CACNA1C: variants seen among roughly 807,000 people sequenced by gnomAD.
CACNA1C encodes voltage-dependent L-type calcium channel subunit alpha-1C.
In CACNA1C, 30 loss-of-function variants were observed where a neutral mutation model predicts 229.0. That is an observed-to-expected ratio of 0.13 (90% CI 0.10 to 0.18). The LOEUF (loss-of-function observed/expected upper bound fraction) is 0.18, where lower values mean the gene tolerates loss of function less well. CACNA1C is among the 10% of genes least tolerant of loss of function. CACNA1C has a pLI of 1.00. For synonymous variants in CACNA1C, 1,114 were observed against 1,132.5 expected, an observed-to-expected ratio of 0.98 and a Z score of 0.33; for missense variants, 1,658 against 2,845.0, an observed-to-expected ratio of 0.58 and a Z score of 9.49.
chr12:2,584,715 T>A (rs914332800), intron 16 of CACNA1C, 98 bp downstream of exon 16: 2 of 809,924 alleles, frequency 2.5e-6, no homozygotes, highest in African/African-American at 3.4e-5. Flanking sequence ...CTAGCCTCTG[T>A]TGGCTCTCCC....
At position 2,280,121 on chromosome 12, in the gene CACNA1C, GCTGTGCTTCGGTTTAACCTC is replaced by G. The variant is rs2090558240; in HGVS notation, c.477+159692_477+159711del. On this transcript the variant is annotated intron_variant, in intron 3 of 46. Transcript: ENST00000399655. Reference sequence around the variant, plus strand: ...TCAACCAATTTGCTGTTGATGCCTTGCTGTGCTTCGGTTTAACCTCTTGATACTTTGCTGTGCTTCGGTTT... The same window carrying G: ...TCAACCAATTTGCTGTTGATGCCTTGTTGATACTTTGCTGTGCTTCGGTTT... Among the ~76,000 whole-genome samples, 6 of 152,232 alleles carry G rather than the reference GCTGTGCTTCGGTTTAACCTC, an allele frequency of 3.9e-5. 1 individual carries two copies. In the South Asian group the frequency reaches 1.3e-3, roughly 32 times the overall value.
At chr12:2,213,649 G>C (rs929857274) in intron 3 of CACNA1C, among the ~76,000 whole-genome samples, 1 of 152,216 alleles carries the variant, frequency 6.6e-6, no homozygotes, top group African/African-American at 2.4e-5. Context: ...GACAGACACC[G>C]TGTGGAGCTA....
At chr12:2,174,652 AT>A (rs1225710485) in intron 3 of CACNA1C, among the ~76,000 whole-genome samples, 1 of 152,154 alleles carries the variant, frequency 6.6e-6, no homozygotes, top group African/African-American at 2.4e-5. Context: ...GGGGTTAGAG[AT>A]GCTGACCCTT....
At chr12:2,274,366 G>A (rs2086702193) in intron 3 of CACNA1C, among the ~76,000 whole-genome samples, 1 of 152,198 alleles carries the variant, frequency 6.6e-6, no homozygotes, top group Non-Finnish European at 1.5e-5. Flanking sequence ...CAGGTAATAG[G>A]GGAAGCATGA....
intron 1 of CACNA1C, among the ~76,000 whole-genome samples, chr12:2,090,840 AT>A (rs1460271891): frequency 6.6e-5 from 10 of 152,096 alleles, no homozygotes; most frequent in Non-Finnish European, 1.5e-4. Flanking sequence ...TGGCTGCTCC[AT>A]TTTACTTTCC....
chr12:2,071,172 C>CCCTCCCTTCCTGCCTG (rs1555115765), intron 1 of CACNA1C, among the ~76,000 whole-genome samples: 517 of 16,038 alleles, frequency 0.032, 129 homozygotes, highest in Non-Finnish European at 0.046. Context: ...CTCCCTCCCT[C>CCCTCCCTTCCTGCCTG]CCTGCCTGCC....
intron 9 of CACNA1C, among the ~76,000 whole-genome samples, chr12:2,546,602 G>A (rs1442705625): frequency 1.3e-5 from 2 of 152,168 alleles, no homozygotes; most frequent in Non-Finnish European, 2.9e-5. Context: ...TGCAGTGGCT[G>A]GTGTCTTCAC....
At chr12:2,097,504 C>T (rs2074710850) in intron 1 of CACNA1C, among the ~76,000 whole-genome samples, 1 of 152,194 alleles carries the variant, frequency 6.6e-6, no homozygotes, top group Admixed American at 6.5e-5. Flanking sequence ...CACCATTTTA[C>T]ATTCCCCACC....
At chr12:2,549,246 G>A (rs1284705898) in intron 9 of CACNA1C, among the ~76,000 whole-genome samples, 1 of 152,154 alleles carries the variant, frequency 6.6e-6, no homozygotes, top group East Asian at 1.9e-4. Flanking sequence ...AGGGGAAATC[G>A]TATCCCTACA....
At chr12:2,451,419 G>A (rs1335388028) in intron 4 of CACNA1C, among the ~76,000 whole-genome samples, 1 of 152,170 alleles carries the variant, frequency 6.6e-6, no homozygotes, top group Non-Finnish European at 1.5e-5. Flanking sequence ...GAGGGATGAG[G>A]GTGACTTGCA....
At chr12:2,462,311 A>G (rs1014247504) in intron 5 of CACNA1C, among the ~76,000 whole-genome samples, 1 of 123,784 alleles carries the variant, frequency 8.1e-6, no homozygotes, top group Non-Finnish European at 1.7e-5. Context: ...GCTCTCATAC[A>G]GGCCTGCGCA....
rs556118739 is a variant in CACNA1C at position 2,184,550 on chromosome 12, A to G, written c.477+64120A>G. On this transcript the variant is annotated intron_variant, in intron 3 of 46. Coordinates refer to ENST00000399655, the MANE Select transcript of CACNA1C (RefSeq NM_000719.7). ...ACCCAAGAATGTGTTTGCCTCTCTG[A>G]TGAGGCTACATCTAGAATATGAACT... Among the ~76,000 whole-genome samples the G allele has an allele frequency of 3.9e-5, 6 of 152,322 alleles. No individual in the cohort carries two copies. The South Asian group carries it at 6.2e-4, about 16-fold the overall frequency.
intron 3 of CACNA1C, among the ~76,000 whole-genome samples, chr12:2,419,346 T>C (rs1174511513): frequency 6.6e-6 from 1 of 152,034 alleles, no homozygotes; most frequent in Non-Finnish European, 1.5e-5. Flanking sequence ...TGTCACACAC[T>C]TTTAAACAAC....
At chr12:2,572,464 C>G (rs1227777677) in intron 13 of CACNA1C, among the ~76,000 whole-genome samples, 4 of 35,500 alleles carry the variant, frequency 1.1e-4, no homozygotes, top group Non-Finnish European at 1.7e-4. Flanking sequence ...CCTCCTCCTC[C>G]TCTTCCTCCT....
intron 3 of CACNA1C, among the ~76,000 whole-genome samples, chr12:2,418,322 A>G (rs938014035): frequency 6.6e-6 from 1 of 152,176 alleles, no homozygotes; most frequent in African/African-American, 2.4e-5. Flanking sequence ...GTGCAAGTTC[A>G]GACGCTCCAA....
At chr12:2,106,705 G>A in intron 1 of CACNA1C, among the ~76,000 whole-genome samples, 1 of 112,700 alleles carries the variant, frequency 8.9e-6, no homozygotes, top group Non-Finnish European at 1.8e-5. Context: ...CCACCCCGGG[G>A]AGGGTTTCCA....
chr12:2,274,021 G>A (rs1432942455), intron 3 of CACNA1C, among the ~76,000 whole-genome samples: 1 of 152,212 alleles, frequency 6.6e-6, no homozygotes, highest in Admixed American at 6.5e-5. Context: ...TCCAGCACGC[G>A]GCAGGAGCTA....
At position 2,602,613 on chromosome 12, in the gene CACNA1C, CTG is replaced by C. The variant is rs746901994; in HGVS notation, c.2960+657_2960+658del. Among the ~76,000 whole-genome samples, 7 of 139,902 alleles carry C rather than the reference CTG, an allele frequency of 5.0e-5. No homozygotes were observed. The highest frequency in any genetic ancestry group is 2.1e-4 in the East Asian group (1 of 4,812). 91.8% of individuals were successfully genotyped at this position (139,902 alleles called of 152,430 possible). A position where few individuals can be genotyped will look rare whatever the true frequency, so the allele number is the denominator to read the frequency against. ...TGTGTGAGTGCATGTATGTGTGTGA[CTG>C]TGTATATTTGTGTCTTGTGTGTGTG... On this transcript the variant is annotated intron_variant, in intron 22 of 46. Coordinates refer to ENST00000399655, the MANE Select transcript of CACNA1C (RefSeq NM_000719.7). This position sits in a 1 kb window ranked among gnomAD's most constrained non-coding sequence, Gnocchi z 4.4.
chr12:2,516,809 A>G (rs973936651), intron 9 of CACNA1C, among the ~76,000 whole-genome samples: 13 of 152,322 alleles, frequency 8.5e-5, no homozygotes, highest in African/African-American at 3.1e-4. Flanking sequence ...AGTATGTAAT[A>G]AGGAATGAAC....
Sources: gnomAD v4.1 joint callset for allele counts (sites outside exome capture counted in the v4.1 genomes callset) on GRCh38, gnomAD v4.1.1 for gene constraint, Gnocchi (gnomAD v3.1) non-coding constraint, MANE v1.5 for transcripts, NCBI Gene and HGNC (gene_info 2026-07-23, HGNC 2026-07-21) for gene names.